AGAP6: variants seen among roughly 807,000 people sequenced by gnomAD.
AGAP6 encodes the protein ArfGAP with GTPase domain, ankyrin repeat and PH domain 6.
Under a neutral mutation model 63.9 loss-of-function variants are expected in AGAP6, and 29 were observed. The ratio of observed to expected loss-of-function variants is 0.45; its 90% confidence interval spans 0.34 to 0.62. AGAP6 has a LOEUF of 0.62. AGAP6 is among the 20% of genes least tolerant of loss of function. The pLI, the probability that AGAP6 is intolerant of heterozygous loss-of-function variation, is 0.01. For synonymous variants in AGAP6, 199 were observed against 332.9 expected, an observed-to-expected ratio of 0.60 and a Z score of 4.38; for missense variants, 493 against 884.9, an observed-to-expected ratio of 0.56 and a Z score of 5.62.
In AGAP6 at chr10:49,999,196, G is replaced by A. The variant is rs368873030; in HGVS notation, c.397-2800G>A. ...GAGGTTGCAGTGAGCCAAGATCACC[G>A]CACTGCATACTCCAGCCTGGGCAAC... On this transcript the variant is annotated intron_variant, in intron 4 of 7. Transcript: ENST00000412531. Among the ~76,000 whole-genome samples, 14 of 136,414 alleles carry A rather than the reference G, an allele frequency of 1.0e-4. No homozygotes were observed. The South Asian group carries it at 1.5e-3, about 15-fold the overall frequency. The allele number at this position is 136,414 out of a possible 152,430, so 89.5% of individuals were successfully genotyped here.
At chr10:50,005,844 T>C (rs1376433241) in intron 6 of AGAP6, among the ~76,000 whole-genome samples, 1 of 149,236 alleles carries the variant, frequency 6.7e-6, no homozygotes, top group Non-Finnish European at 1.5e-5. Context: ...CGCTTGAGCC[T>C]GGGAGGTGGA....
chr10:50,004,693 T>C lies in AGAP6; in HGVS notation c.506T>C (p.Leu169Ser). The C allele has an allele frequency of 1.4e-6, 2 of 1,381,108 alleles. No individual in the cohort carries two copies. The highest frequency in any genetic ancestry group is 2.7e-5 in the South Asian group (2 of 74,334). 85.6% of individuals were successfully genotyped at this position (1,381,108 alleles called of 1,614,324 possible). A position where few individuals can be genotyped will look rare whatever the true frequency, so the allele number is the denominator to read the frequency against. ...TTTTTTTCCTTCCACAGTGTGACCT[T>C]GGAGATACCTCATCATATCACACAA... is the stretch of plus-strand genomic sequence containing the variant. ...YLTMTIISVT[L>S]EIPHHITQRD... is the part of the protein sequence containing the mutation. Residue 169 changes from leucine to serine, a missense_variant, in exon 6 of 8, where the codon TTG (leucine) becomes TCG (serine). Physicochemically the swap from Leu to Ser is moderately radical, Grantham distance 145. This residue lies in a region of AGAP6 where 342 missense variants were observed against 533.4 expected (regional missense o/e 0.64). Transcript: ENST00000412531.
chr10:49,991,930 C>G (rs1400698495), intron 3 of AGAP6, among the ~76,000 whole-genome samples, 186 bp downstream of exon 3: 11 of 151,866 alleles, frequency 7.2e-5, no homozygotes, highest in African/African-American at 2.7e-4. Context: ...AACGTGTAAC[C>G]TTTTTGTTTA....
Position 50,008,013 on chromosome 10 carries a change from C to T in AGAP6, c.534-12C>T. Reference sequence around the variant, plus strand: ...AACAGTTTTTGAAGTAATGCGCTTTCTTATTTTATAGAGATGCAGATAGAA... The same window carrying T: ...AACAGTTTTTGAAGTAATGCGCTTTTTTATTTTATAGAGATGCAGATAGAA... On this transcript the variant is annotated splice_polypyrimidine_tract_variant and intron_variant, in intron 6 of 7. Transcript: ENST00000412531. The T allele has an allele frequency of 6.2e-7, 1 of 1,611,850 alleles. No homozygotes were observed.
chr10:50,003,801 TAA>T, intron 5 of AGAP6, among the ~76,000 whole-genome samples: 1 of 152,326 alleles, frequency 6.6e-6, no homozygotes, highest in East Asian at 1.9e-4. Context: ...CCCTGATCTG[TAA>T]AACGAGTGTT....
chr10:49,999,074 C>T lies in AGAP6; in HGVS notation c.397-2922C>T, dbSNP rs1554862560. Among the ~76,000 whole-genome samples the T allele has an allele frequency of 1.5e-5, 2 of 137,294 alleles. 1 individual carries two copies. The highest frequency in any genetic ancestry group is 4.8e-4 in the East Asian group (2 of 4,208). The allele number at this position is 137,294 out of a possible 152,430, so 90.1% of individuals were successfully genotyped here. A position where few individuals can be genotyped will look rare whatever the true frequency, so the allele number is the denominator to read the frequency against. Reference sequence around the variant, plus strand: ...CCAACATGGTGAAATCCCATCTCTACTAAAAATACAAAAGTTAGCCGGGTG... The same window carrying T: ...CCAACATGGTGAAATCCCATCTCTATTAAAAATACAAAAGTTAGCCGGGTG... On this transcript the variant is annotated intron_variant, in intron 4 of 7. Coordinates refer to ENST00000412531, the MANE Select transcript of AGAP6 (RefSeq NM_001077665.3).
Position 50,008,799 on chromosome 10 carries a change from G to T in AGAP6, c.674G>T (p.Ser225Ile), listed in dbSNP as rs1842007483. 1.2e-6 allele frequency: 2 copies of T among 1,614,056 alleles called. No homozygotes were observed. The highest frequency in any genetic ancestry group is 2.2e-5 in the East Asian group (1 of 44,868). ...TCCATTCCATCGACTCCCAGCACCA[G>T]CCAGGAGGACCCTCAGTTCAGTGTT... ...SSSIPSTPST[S>I]QEDPQFSVPP... is the part of the protein sequence containing the mutation. Residue 225 changes from serine to isoleucine, a missense_variant, in exon 8 of 8, where the codon AGC becomes ATC. Physicochemically the swap from Ser to Ile is moderately radical, Grantham distance 142. This residue lies in a region of AGAP6 where 342 missense variants were observed against 533.4 expected (regional missense o/e 0.64). Coordinates refer to ENST00000412531, the MANE Select transcript of AGAP6 (RefSeq NM_001077665.3).
chr10:50,008,099 T>G (rs782104002), intron 7 of AGAP6, 23 bp downstream of exon 7: 1 of 1,611,772 alleles, frequency 6.2e-7, no homozygotes, highest in Non-Finnish European at 8.5e-7. Context: ...TTTATTGAGG[T>G]TGTATTTTCA....
At chr10:49,991,366 C>T (rs1320221542) in intron 2 of AGAP6, among the ~76,000 whole-genome samples, 6 of 149,432 alleles carry the variant, frequency 4.0e-5, no homozygotes, top group African/African-American at 1.5e-4. Context: ...CAACTCAAAG[C>T]CAAAATTTAC....
intron 4 of AGAP6, among the ~76,000 whole-genome samples, chr10:49,997,458 A>G (rs1421965980): frequency 2.0e-5 from 3 of 152,096 alleles, no homozygotes; most frequent in African/African-American, 7.2e-5. Flanking sequence ...TAATTGCACC[A>G]CTGCACTCCA....
chr10:49,988,783 C>T lies in AGAP6; in HGVS notation c.68C>T (p.Ser23Leu), dbSNP rs544067964. 154 of 1,596,924 alleles carry T rather than the reference C, an allele frequency of 9.6e-5. 3 individuals are homozygous for T. In the South Asian group the frequency reaches 1.4e-3, roughly 15 times the overall value. ...VSLEFDQQQG[S>L]VCPSESETYE... is the part of the protein sequence containing the mutation. ...CTCGAGTTTGACCAGCAGCAGGGGT[C>T]GGTGTGTCCCTCTGAATCTGAGACC... The change falls in exon 1 of 8, where the codon TCG becomes TTG. Residue 23 changes from serine to leucine, a missense_variant. By Grantham distance (145) the Ser-to-Leu change is moderately radical. Around this residue, in one of 7 missense-constraint regions of AGAP6, gnomAD observed 342 missense variants for 533.4 expected, o/e 0.64. Transcript: ENST00000412531.
At chr10:49,989,493 C>T (rs1490421932) in intron 2 of AGAP6, 117 bp downstream of exon 2, 27 of 1,498,004 alleles carry the variant, frequency 1.8e-5, no homozygotes, top group Non-Finnish European at 2.4e-5. Context: ...TTTTCAGTAC[C>T]CATCTTATTT....
At chr10:50,006,028 A>G (rs1232069680) in intron 6 of AGAP6, among the ~76,000 whole-genome samples, 10 of 151,624 alleles carry the variant, frequency 6.6e-5, no homozygotes, top group Non-Finnish European at 1.3e-4. Context: ...TGTTAACACT[A>G]AATCAAAACT....
At chr10:49,989,800 C>T (rs1395762071) in intron 2 of AGAP6, among the ~76,000 whole-genome samples, 7 of 152,070 alleles carry the variant, frequency 4.6e-5, no homozygotes, top group African/African-American at 7.2e-5. Flanking sequence ...ATGTCACAGC[C>T]GGGGCTGCAG....
chr10:49,989,283 T>A, intron 1 of AGAP6, 25 bp from the exon 2 acceptor site: 1 of 1,596,084 alleles, frequency 6.3e-7, no homozygotes, highest in Middle Eastern at 2.3e-4. Flanking sequence ...TACATCCTTT[T>A]TCTTTTCTCC....
intron 4 of AGAP6, among the ~76,000 whole-genome samples, chr10:49,995,775 C>T (rs1471322047): frequency 6.6e-6 from 1 of 152,194 alleles, no homozygotes; most frequent in Non-Finnish European, 1.5e-5. Flanking sequence ...GTTAAAATCC[C>T]TCCTCTTTGA....
At chr10:49,990,180 T>C (rs554036122) in intron 2 of AGAP6, among the ~76,000 whole-genome samples, 20 of 152,334 alleles carry the variant, frequency 1.3e-4, no homozygotes, top group Admixed American at 2.0e-4. Context: ...GGCTCACGCC[T>C]GTAATCCCAG....
intron 6 of AGAP6, among the ~76,000 whole-genome samples, chr10:50,006,574 G>A (rs1412031395): frequency 5.3e-5 from 8 of 152,174 alleles, no homozygotes; most frequent in African/African-American, 1.2e-4. Flanking sequence ...ACAGGGTTTC[G>A]TTATGTTGCC....
chr10:49,994,434 G>A lies in AGAP6; in HGVS notation c.396+5G>A, dbSNP rs782683432. 8.2e-5 allele frequency: 125 copies of A among 1,526,488 alleles called. 1 individual carries two copies. The South Asian group carries it at 1.3e-3, about 16-fold the overall frequency. The allele number at this position is 1,526,488 out of a possible 1,614,324, so 94.6% of individuals were successfully genotyped here. On this transcript the variant is annotated splice_donor_5th_base_variant and intron_variant, in intron 4 of 7. Coordinates refer to ENST00000412531, the MANE Select transcript of AGAP6 (RefSeq NM_001077665.3). ...AGAAGCAACTGTACAAACCATGTAA[G>A]TAAACACTCAAATACTTAAGAAATT...
Sources: gnomAD v4.1 joint callset for allele counts (sites outside exome capture counted in the v4.1 genomes callset) on GRCh38, gnomAD v4.1.1 for gene constraint, gnomAD v4.1.1 regional missense constraint, MANE v1.5 for transcripts, NCBI Gene and HGNC (gene_info 2026-07-23, HGNC 2026-07-21) for gene names.